Variants in MTDH observed in about 807,000 individuals in gnomAD.
The protein encoded by MTDH is metadherin.
MTDH carries 34 observed loss-of-function variants against 72.7 expected under a neutral mutation model. The ratio of observed to expected loss-of-function variants is 0.47; its 90% CI spans 0.36 to 0.62. The LOEUF is 0.62. MTDH is among the 20% of genes least tolerant of loss of function. The pLI, the probability that MTDH is intolerant of heterozygous loss-of-function variation, is 0.00. For synonymous variants in MTDH, 266 were observed against 268.9 expected, an observed-to-expected ratio of 0.99 and a Z score of 0.10; for missense variants, 677 against 699.4, an observed-to-expected ratio of 0.97 and a Z score of 0.36.
Position 97,727,128 on chromosome 8 carries a change from C to G in MTDH, c.*2458C>G, listed in dbSNP as rs1368013295. ...TAAATGATAAAATTAATTACATTCT[C>G]TTTCACATGCATGAGGTGCAAACTC... is the stretch of plus-strand genomic sequence containing the variant. On this transcript the variant is annotated 3_prime_UTR_variant, in exon 12 of 12. Coordinates refer to ENST00000336273, the MANE Select transcript of MTDH (RefSeq NM_178812.4). The G allele has an allele frequency of 6.6e-6, 1 of 151,830 alleles. No homozygotes were observed. Among genetic ancestry groups the G allele is most frequent in the Non-Finnish European group, 1.5e-5 (1 of 67,984 alleles). 9.4% of individuals were successfully genotyped at this position (151,830 alleles called of 1,614,324 possible).
chr8:97,652,529 C>T (rs1586200889), intron 1 of MTDH, among the ~76,000 whole-genome samples: 3 of 152,130 alleles, frequency 2.0e-5, no homozygotes, highest in African/African-American at 7.2e-5. Context: ...TGTTTACTTA[C>T]CCATTTACTT....
rs1419163197 is a variant in MTDH, at chr8:97,644,492, C to T, written c.-15C>T. 2 of 1,561,180 alleles carry T rather than the reference C, an allele frequency of 1.3e-6. No individual in the cohort carries two copies. Among genetic ancestry groups the T allele is most frequent in the Non-Finnish European group, 1.7e-6 (2 of 1,161,662 alleles). On this transcript the variant is annotated 5_prime_UTR_variant, in exon 1 of 12. Coordinates refer to ENST00000336273, the MANE Select transcript of MTDH (RefSeq NM_178812.4). ...CCCCGGCGTCATCCTGCGAGTCCCT[C>T]TGACGGGAGGGAAGATGGCTGCACG... is the stretch of plus-strand genomic sequence containing the variant.
intron 6 of MTDH, among the ~76,000 whole-genome samples, chr8:97,694,656 T>G (rs772237683): frequency 4.3e-4 from 66 of 152,036 alleles, no homozygotes; most frequent in Non-Finnish European, 4.7e-4. Context: ...GCATGGTGGC[T>G]CATGTCTGTA....
intron 4 of MTDH, among the ~76,000 whole-genome samples, chr8:97,688,072 T>C (rs977966435): frequency 1.1e-4 from 16 of 152,356 alleles, no homozygotes; most frequent in African/African-American, 3.6e-4. Flanking sequence ...TATAGATGTT[T>C]GATAGAGCTA....
chr8:97,690,095 A>G (rs540679501), intron 5 of MTDH, among the ~76,000 whole-genome samples: 2 of 151,786 alleles, frequency 1.3e-5, no homozygotes, highest in South Asian at 2.1e-4. Flanking sequence ...CCTGGGTTCA[A>G]ACAATTCTGC....
chr8:97,682,250 A>T (rs549950809), intron 2 of MTDH, among the ~76,000 whole-genome samples: 3 of 3,456 alleles, frequency 8.7e-4, no homozygotes, highest in East Asian at 0.011. Context: ...ATATATATAT[A>T]TATATATATA....
intron 2 of MTDH, among the ~76,000 whole-genome samples, chr8:97,673,357 C>T (rs1158731249): frequency 1.3e-5 from 2 of 150,898 alleles, no homozygotes; most frequent in Non-Finnish European, 2.9e-5. Context: ...CCCACCTGTA[C>T]AAAAAAATTT....
At chr8:97,700,533 A>G (rs1212091186) in intron 7 of MTDH, among the ~76,000 whole-genome samples, 2 of 152,176 alleles carry the variant, frequency 1.3e-5, no homozygotes, top group Non-Finnish European at 2.9e-5. Flanking sequence ...AATGGGGACT[A>G]GCACTCTTTC....
At chr8:97,653,961 C>G (rs1200099416) in intron 1 of MTDH, among the ~76,000 whole-genome samples, 4 of 152,112 alleles carry the variant, frequency 2.6e-5, no homozygotes. Context: ...ATATTGAAAA[C>G]CAATGCTTGT....
At chr8:97,658,588 A>G (rs1490928344) in intron 1 of MTDH, among the ~76,000 whole-genome samples, 1 of 152,190 alleles carries the variant, frequency 6.6e-6, no homozygotes, top group African/African-American at 2.4e-5. Flanking sequence ...TGTCATGTAA[A>G]TGAGTAAAAT....
intron 8 of MTDH, 143 bp from the exon 9 acceptor site, chr8:97,713,519 A>G (rs1194680369): frequency 2.0e-6 from 1 of 511,356 alleles, no homozygotes; most frequent in Non-Finnish European, 3.4e-6. Flanking sequence ...TTCTTGATCC[A>G]TTGTATTACT....
intron 2 of MTDH, among the ~76,000 whole-genome samples, chr8:97,683,835 G>A (rs1300707631): frequency 2.6e-5 from 4 of 152,248 alleles, no homozygotes; most frequent in Non-Finnish European, 5.9e-5. Flanking sequence ...TAGTCCGGCC[G>A]GGCGCTGTGG....
chr8:97,684,026 G>GAACCCAGGAGGCAGGAGAATCA (rs1813252036), intron 2 of MTDH, among the ~76,000 whole-genome samples: 1 of 151,500 alleles, frequency 6.6e-6, no homozygotes. Context: ...CAGGAGAATC[G>GAACCCAGGAGGCAGGAGAATCA]CTTGAACCCA....
chr8:97,723,132 C>T lies in MTDH; in HGVS notation c.1678+97C>T. 5.4e-6 allele frequency: 7 copies of T among 1,299,926 alleles called. No individual in the cohort carries two copies. In the South Asian group the frequency reaches 9.5e-5, roughly 18 times the overall value. 80.5% of individuals were successfully genotyped at this position (1,299,926 alleles called of 1,614,324 possible). On this transcript the variant is annotated intron_variant, in intron 11 of 11. Coordinates refer to ENST00000336273, the MANE Select transcript of MTDH (RefSeq NM_178812.4). ...GTCTAATGGAGGCCAGGCGCAGTGGCTCACGCCTGTAATCCCAGCACTTTG... is the reference window on the plus strand; with the variant it reads ...GTCTAATGGAGGCCAGGCGCAGTGGTTCACGCCTGTAATCCCAGCACTTTG...
At chr8:97,692,004 C>T (rs930448892) in intron 6 of MTDH, among the ~76,000 whole-genome samples, 1 of 152,054 alleles carries the variant, frequency 6.6e-6, no homozygotes, top group Non-Finnish European at 1.5e-5. Flanking sequence ...CTCAGCCTCC[C>T]GAGTAGCTGG....
chr8:97,699,952 C>A, intron 7 of MTDH, 100 bp downstream of exon 7: 2 of 706,390 alleles, frequency 2.8e-6, no homozygotes, highest in South Asian at 4.1e-5. Flanking sequence ...TAATTTCTCA[C>A]CTTTAAAGGT....
chr8:97,670,140 C>A (rs1206023358), intron 2 of MTDH, among the ~76,000 whole-genome samples: 1 of 151,902 alleles, frequency 6.6e-6, no homozygotes, highest in Non-Finnish European at 1.5e-5. Context: ...CATGGCGAAA[C>A]CTCGTCTCTA....
At chr8:97,720,646 C>CTTG (rs765189477) in intron 10 of MTDH, among the ~76,000 whole-genome samples, 9 of 126,520 alleles carry the variant, frequency 7.1e-5, no homozygotes, top group African/African-American at 2.7e-4. Flanking sequence ...GTCTATTTGA[C>CTTG]TTTTTTTTTT....
intron 2 of MTDH, among the ~76,000 whole-genome samples, chr8:97,682,220 GTTAA>G (rs1395584384): frequency 4.1e-5 from 3 of 72,712 alleles, no homozygotes; most frequent in Non-Finnish European, 7.8e-5. Flanking sequence ...GGGTGTTCTT[GTTAA>G]TTACTTTATA....
Sources: allele counts gnomAD v4.1 joint callset (sites outside exome capture counted in the v4.1 genomes callset), GRCh38; gene constraint gnomAD v4.1.1; transcripts MANE v1.5; gene names NCBI Gene and HGNC (gene_info 2026-07-23, HGNC 2026-07-21).